Variants in CCSER1 observed in about 807,000 individuals in gnomAD.
The protein encoded by CCSER1 is serine-rich coiled-coil domain-containing protein 1.
In CCSER1, 41 loss-of-function variants were observed where a neutral mutation model predicts 82.0. The observed-to-expected ratio is 0.50, with a 90% CI of 0.39 to 0.65. The LOEUF is 0.65. CCSER1 is among the 30% of genes least tolerant of loss of function. The pLI is 0.00. For missense variants in CCSER1, 1,119 were observed against 1,064.2 expected, an observed-to-expected ratio of 1.05 and a Z score of -0.72; for synonymous variants, 414 against 383.9, an observed-to-expected ratio of 1.08 and a Z score of -0.92.
rs551590058 is a variant in CCSER1, at chr4:90,297,943, G to T, written c.-41-10301G>T. 2.0e-5 allele frequency among the ~76,000 whole-genome samples: 3 copies of T among 152,206 alleles called. No homozygotes were observed. The East Asian group carries it at 5.8e-4, about 30-fold the overall frequency. ...GTATCAATGTTCATCAAGGATATTG[G>T]TCTAAAATTCTCTTTTTTGGTTGTG... On this transcript the variant is annotated intron_variant, in intron 1 of 10. Coordinates refer to ENST00000509176, the MANE Select transcript of CCSER1 (RefSeq NM_001145065.2).
Position 91,540,268 on chromosome 4 carries a change from G to A in CCSER1, c.2218-58304G>A, listed in dbSNP as rs111454824. On this transcript the variant is annotated intron_variant, in intron 10 of 10. Coordinates refer to ENST00000509176, the MANE Select transcript of CCSER1 (RefSeq NM_001145065.2). Reference sequence around the variant, plus strand: ...AAGTTCATAGTTTACATTAGGGTTCGCACTTGGTCTTGTATATCCTACTGT... The same window carrying A: ...AAGTTCATAGTTTACATTAGGGTTCACACTTGGTCTTGTATATCCTACTGT... 1.5e-3 allele frequency among the ~76,000 whole-genome samples: 232 copies of A among 152,074 alleles called. 2 individuals are homozygous for A. The highest frequency in any genetic ancestry group is 5.3e-3 in the African/African-American group (218 of 41,502).
chr4:90,618,296 G>A (rs1414095151), intron 5 of CCSER1, among the ~76,000 whole-genome samples: 2 of 151,818 alleles, frequency 1.3e-5, no homozygotes, highest in African/African-American at 2.4e-5. Context: ...CCAAATTACA[G>A]GACAACAATT....
At chr4:91,021,697 CAT>C (rs1739987845) in intron 9 of CCSER1, among the ~76,000 whole-genome samples, 1 of 152,064 alleles carries the variant, frequency 6.6e-6, no homozygotes, top group South Asian at 2.1e-4. Context: ...CTGTAAAAGA[CAT>C]AGGAACAAAT....
intron 10 of CCSER1, among the ~76,000 whole-genome samples, chr4:91,586,948 A>G (rs551566118): frequency 1.6e-4 from 25 of 151,800 alleles, no homozygotes; most frequent in Non-Finnish European, 3.2e-4. Context: ...AATAATGAAT[A>G]GATATGAATG....
At chr4:91,487,765 A>G (rs926991132) in intron 10 of CCSER1, among the ~76,000 whole-genome samples, 2 of 152,008 alleles carry the variant, frequency 1.3e-5, no homozygotes, top group African/African-American at 4.8e-5. Context: ...TATAAATTCT[A>G]TATGTATGTC....
chr4:91,380,473 G>T (rs926273213), intron 10 of CCSER1, among the ~76,000 whole-genome samples: 1 of 152,160 alleles, frequency 6.6e-6, no homozygotes. Context: ...AGCTCTACTT[G>T]TTGAATTGAT....
At position 90,186,001 on chromosome 4, in the gene CCSER1, T is replaced by C. The variant is rs115086596; in HGVS notation, c.-42+58170T>C. Among the ~76,000 whole-genome samples, 488 of 152,092 alleles carry C rather than the reference T, an allele frequency of 3.2e-3. 3 individuals carry two copies. The highest frequency in any genetic ancestry group is 0.011 in the African/African-American group (469 of 41,526). On this transcript the variant is annotated intron_variant, in intron 1 of 10. Coordinates refer to ENST00000509176, the MANE Select transcript of CCSER1 (RefSeq NM_001145065.2). Reference sequence around the variant, plus strand: ...ACATTAGGTTCCTCACAATTAAGCATTTTCATGTTGAGTTACAAAATTGCC... The same window carrying C: ...ACATTAGGTTCCTCACAATTAAGCACTTTCATGTTGAGTTACAAAATTGCC...
At chr4:90,235,364 C>G (rs1198532359) in intron 1 of CCSER1, 1 of 152,240 alleles carries the variant, frequency 6.6e-6, no homozygotes, top group Non-Finnish European at 1.5e-5. Flanking sequence ...TCTTCTCTAG[C>G]ATCTGGGACA....
rs116915375 is a variant in CCSER1 at position 90,381,671 on chromosome 4, G to A, written c.1510-18365G>A. Among the ~76,000 whole-genome samples, 689 of 152,126 alleles carry A rather than the reference G, an allele frequency of 4.5e-3. 16 individuals carry two copies. Among genetic ancestry groups the A allele is most frequent in the East Asian group, 0.032 (164 of 5,186 alleles). On this transcript the variant is annotated intron_variant, in intron 3 of 10. Transcript: ENST00000509176. ...GGGGGAAAATGCACTTAATAAATGCGTTCCAGAGTAATGTTCATAGAAATA... is the reference window on the plus strand; with the variant it reads ...GGGGGAAAATGCACTTAATAAATGCATTCCAGAGTAATGTTCATAGAAATA...
Position 90,594,228 on chromosome 4 carries a change from G to T in CCSER1, c.1725-33797G>T, listed in dbSNP as rs529988893. ...ACTGATAAGTAAAGGATACTATGTG[G>T]TTTAAATGAAGTAATCATGGCTCAG... On this transcript the variant is annotated intron_variant, in intron 5 of 10. Transcript: ENST00000509176. 2.2e-3 allele frequency among the ~76,000 whole-genome samples: 338 copies of T among 152,100 alleles called. 1 individual carries two copies. Among genetic ancestry groups the T allele is most frequent in the African/African-American group, 7.8e-3 (325 of 41,510 alleles).
intron 5 of CCSER1, among the ~76,000 whole-genome samples, chr4:90,581,774 A>G (rs1023990377): frequency 2.6e-5 from 4 of 152,072 alleles, no homozygotes; most frequent in African/African-American, 9.7e-5. Flanking sequence ...CATGGGGACT[A>G]TTTTGTTCTT....
intron 4 of CCSER1, among the ~76,000 whole-genome samples, chr4:90,437,288 C>CATAT (rs539992640): frequency 6.8e-6 from 1 of 147,000 alleles, no homozygotes; most frequent in African/African-American, 2.6e-5. Context: ...CACACACACA[C>CATAT]ATATATATAT....
At chr4:91,577,281 G>T (rs542465450) in intron 10 of CCSER1, among the ~76,000 whole-genome samples, 1 of 151,866 alleles carries the variant, frequency 6.6e-6, no homozygotes, top group South Asian at 2.1e-4. Context: ...TTAGACCTTG[G>T]GGGGCACAGA....
At chr4:90,661,835 A>C (rs1730846705) in intron 6 of CCSER1, among the ~76,000 whole-genome samples, 1 of 152,112 alleles carries the variant, frequency 6.6e-6, no homozygotes, top group Non-Finnish European at 1.5e-5. Flanking sequence ...ACAATTCCAC[A>C]AGTATCAGAA....
At chr4:91,147,755 G>A (rs1405404159) in intron 10 of CCSER1, among the ~76,000 whole-genome samples, 4 of 152,140 alleles carry the variant, frequency 2.6e-5, no homozygotes. Context: ...ATGAAAATTA[G>A]GTAATGTACC....
At position 91,390,690 on chromosome 4, in the gene CCSER1, C is replaced by T. The variant is rs187058422; in HGVS notation, c.2218-207882C>T. ...CTCCTTAGATGTTTGGTAGAATTCA[C>T]CAGTGAACCCATCTGGGCACTGTGG... On this transcript the variant is annotated intron_variant, in intron 10 of 10. Coordinates refer to ENST00000509176, the MANE Select transcript of CCSER1 (RefSeq NM_001145065.2). 1.2e-3 allele frequency among the ~76,000 whole-genome samples: 176 copies of T among 152,032 alleles called. 1 individual carries two copies. Among genetic ancestry groups the T allele is most frequent in the African/African-American group, 3.8e-3 (156 of 41,504 alleles).
intron 1 of CCSER1, among the ~76,000 whole-genome samples, chr4:90,293,228 A>G (rs1731251558): frequency 6.6e-6 from 1 of 151,780 alleles, no homozygotes; most frequent in Non-Finnish European, 1.5e-5. Context: ...AAAAATGAAA[A>G]ATAAATTTGA....
chr4:90,712,758 T>G (rs1055876037), intron 6 of CCSER1, among the ~76,000 whole-genome samples: 6 of 152,016 alleles, frequency 3.9e-5, no homozygotes, highest in African/African-American at 1.5e-4. Context: ...CCATTATTAT[T>G]GTGTGAGAGT....
chr4:91,270,431 G>A lies in CCSER1; in HGVS notation c.2217+184437G>A, dbSNP rs896666626. On this transcript the variant is annotated intron_variant, in intron 10 of 10. Coordinates refer to ENST00000509176, the MANE Select transcript of CCSER1 (RefSeq NM_001145065.2). ...AGAGGAGTAGGAAGGTATTAACAAC[G>A]TTCATCACATTTTTTTTTGTTCTTT... is the stretch of plus-strand genomic sequence containing the variant. Among the ~76,000 whole-genome samples the A allele has an allele frequency of 4.6e-5, 7 of 151,922 alleles. No individual in the cohort carries two copies. In the South Asian group the frequency reaches 8.3e-4, roughly 18 times the overall value.
Sources: gnomAD v4.1 joint callset for allele counts (sites outside exome capture counted in the v4.1 genomes callset) on GRCh38, gnomAD v4.1.1 for gene constraint, MANE v1.5 for transcripts, NCBI Gene and HGNC (gene_info 2026-07-23, HGNC 2026-07-21) for gene names.